Variants in ALLC observed in about 807,000 individuals in gnomAD.
ALLC encodes allantoicase.
ALLC carries 40 observed loss-of-function variants against 45.0 expected under a neutral mutation model. That is an observed-to-expected ratio of 0.89 (90% CI 0.69 to 1.16). ALLC has a LOEUF of 1.16. Ranked by LOEUF, ALLC falls within the 50% of genes most tolerant of loss-of-function variation. The probability of loss-of-function intolerance (pLI) is 0.00; values close to 1 mark genes in which losing one functional copy is unlikely to be tolerated. For missense variants in ALLC, 488 were observed against 493.1 expected (o/e 0.99, Z 0.10); for synonymous variants, 176 against 178.1 (o/e 0.99, Z 0.09).
At chr2:3,676,861 C>T (rs980629999) in intron 3 of ALLC, among the ~76,000 whole-genome samples, 1 of 151,902 alleles carries the variant, frequency 6.6e-6, no homozygotes, top group African/African-American at 2.4e-5. Flanking sequence ...GATCTCGGCT[C>T]ACCACAACCT....
intron 10 of ALLC, among the ~76,000 whole-genome samples, chr2:3,699,553 T>G (rs1014957023): frequency 1.3e-5 from 2 of 152,202 alleles, no homozygotes; most frequent in African/African-American, 2.4e-5. Flanking sequence ...GTAATTCTGT[T>G]TTTAGTTCTT....
In ALLC at chr2:3,671,131, A is replaced by T. The variant is rs368868282; in HGVS notation, c.-27A>T. ...TGATGCTCCGAAGGAGGGAAGACTGACCCGGTTTCTGGACTTCACCCAGCT... is the reference window on the plus strand; with the variant it reads ...TGATGCTCCGAAGGAGGGAAGACTGTCCCGGTTTCTGGACTTCACCCAGCT... On this transcript the variant is annotated 5_prime_UTR_variant, in exon 2 of 12. An upstream open reading frame in the 5' UTR loses its in-frame stop. Coordinates refer to ENST00000252505, the MANE Select transcript of ALLC (RefSeq NM_018436.4). The T allele has an allele frequency of 4.4e-6, 7 of 1,608,494 alleles. No homozygotes were observed. In the African/African-American group the frequency reaches 8.0e-5, roughly 18 times the overall value.
rs755960969 is a variant in ALLC at position 3,702,381 on chromosome 2, C to T, written c.994C>T (p.His332Tyr). Residue 332 changes from histidine to tyrosine, a missense_variant, in exon 12 of 12, where the codon CAT becomes TAT. His to Tyr is a moderately conservative substitution (Grantham distance 83, BLOSUM62 2). Coordinates refer to ENST00000252505, the MANE Select transcript of ALLC (RefSeq NM_018436.4). The part of the protein sequence containing the change: ...PVTKLSPNQS[H>Y]LFDSLTLELQ... ...TTTTCAGTTGTCTCCCAACCAAAGT[C>T]ATCTGTTCGATAGCCTGACCCTAGA... 5 of 1,613,156 alleles carry T rather than the reference C, an allele frequency of 3.1e-6. No homozygotes were observed. Among genetic ancestry groups the T allele is most frequent in the South Asian group, 1.1e-5 (1 of 90,924 alleles).
chr2:3,679,287 T>C (rs1667109397), intron 4 of ALLC, among the ~76,000 whole-genome samples: 1 of 152,190 alleles, frequency 6.6e-6, no homozygotes, highest in South Asian at 2.1e-4. Context: ...AAGAACTCAA[T>C]AGTGGCAGAC....
intron 3 of ALLC, among the ~76,000 whole-genome samples, chr2:3,676,712 C>T (rs766793729): frequency 1.3e-5 from 2 of 152,166 alleles, no homozygotes; most frequent in East Asian, 1.9e-4. Context: ...ACATTTTGCA[C>T]GTATTGAAAA....
upstream of ALLC, among the ~76,000 whole-genome samples, chr2:3,654,407 C>G (rs1666397777): frequency 6.6e-6 from 1 of 152,252 alleles, no homozygotes; most frequent in Non-Finnish European, 1.5e-5. Context: ...TAAGGCCCTG[C>G]TGGTTGCACT....
chr2:3,658,495 C>A (rs1666494122), intron 1 of ALLC, among the ~76,000 whole-genome samples: 1 of 152,120 alleles, frequency 6.6e-6, no homozygotes, highest in Admixed American at 6.6e-5. Context: ...TGGAGGGGCC[C>A]CACAGGTGGG....
chr2:3,657,825 G>C (rs1666476034), upstream of ALLC, among the ~76,000 whole-genome samples: 1 of 152,244 alleles, frequency 6.6e-6, no homozygotes, highest in South Asian at 2.1e-4. Flanking sequence ...ACCCTCCCAA[G>C]GGCCCCTGTC....
chr2:3,647,103 G>A, the ALLC span, among the ~76,000 whole-genome samples: 7 of 152,128 alleles, frequency 4.6e-5, no homozygotes, highest in South Asian at 2.1e-4. Context: ...TCTCTGGTTC[G>A]CTGAGGTGGC....
upstream of ALLC, among the ~76,000 whole-genome samples, chr2:3,657,797 C>T (rs1558531678): frequency 6.6e-6 from 1 of 152,018 alleles, no homozygotes; most frequent in South Asian, 2.1e-4. Context: ...TTTTCTGGGG[C>T]TGAGGGGCTC....
intron 10 of ALLC, among the ~76,000 whole-genome samples, chr2:3,699,793 GTCT>G (rs1558550398): frequency 6.6e-6 from 1 of 152,120 alleles, no homozygotes; most frequent in African/African-American, 2.4e-5. Context: ...CTGCATGTAT[GTCT>G]TCTTTTGAAA....
chr2:3,685,463 C>G (rs1320511952), intron 7 of ALLC, among the ~76,000 whole-genome samples: 4 of 149,804 alleles, frequency 2.7e-5, no homozygotes, highest in Non-Finnish European at 4.5e-5. Context: ...GAGAGAGAGA[C>G]AGAGACAGAC....
chr2:3,685,044 A>T (rs552036741), intron 7 of ALLC, among the ~76,000 whole-genome samples: 116 of 152,264 alleles, frequency 7.6e-4, no homozygotes, highest in African/African-American at 2.7e-3. Context: ...ATATCTCTTC[A>T]ATATATTGAT....
At chr2:3,671,986 TTTAGATCCGAGGTCCTCTGGCTCTAG>T (rs1558537314) in intron 2 of ALLC, among the ~76,000 whole-genome samples, 2,354 of 85,832 alleles carry the variant, frequency 0.027, 159 homozygotes, top group East Asian at 0.041. Flanking sequence ...TCTGGCTCTA[TTTAGATCCGAGGTCCTCTGGCTCTAG>T]TTAGATCCGA....
chr2:3,662,619 G>A (rs1245902084), intron 1 of ALLC, among the ~76,000 whole-genome samples: 6 of 152,170 alleles, frequency 3.9e-5, no homozygotes, highest in African/African-American at 1.2e-4. Flanking sequence ...TTTTACAAAT[G>A]TATTGGGTAT....
chr2:3,699,659 C>T (rs980810181), intron 10 of ALLC, among the ~76,000 whole-genome samples: 1 of 152,184 alleles, frequency 6.6e-6, no homozygotes, highest in Non-Finnish European at 1.5e-5. Context: ...ACCTTGTCAA[C>T]AACTGTTATT....
chr2:3,699,880 T>C (rs1366152779), intron 10 of ALLC, among the ~76,000 whole-genome samples: 1 of 152,348 alleles, frequency 6.6e-6, no homozygotes, highest in East Asian at 1.9e-4. Flanking sequence ...AAATTCCTTA[T>C]AGATTCTGGA....
In ALLC at chr2:3,680,039, A is replaced by C; in HGVS notation, c.298+45A>C. 1 of 1,609,628 alleles carries C rather than the reference A, an allele frequency of 6.2e-7. No individual in the cohort carries two copies. Among genetic ancestry groups the C allele is most frequent in the South Asian group, 1.1e-5 (1 of 90,926 alleles). On this transcript the variant is annotated intron_variant, in intron 5 of 11. Coordinates refer to ENST00000252505, the MANE Select transcript of ALLC (RefSeq NM_018436.4). The surrounding 1 kb of genome is among the most constrained non-coding windows in gnomAD (Gnocchi z 4.0). The stretch of plus-strand genomic sequence containing the variant: ...CCCCAAAATGAGAATTATGGGTCAC[A>C]TGGCTCCTCTGGCCAGCCACAGCCC...
intron 7 of ALLC, among the ~76,000 whole-genome samples, chr2:3,693,290 C>T (rs1434397763): frequency 6.6e-6 from 1 of 152,162 alleles, no homozygotes; most frequent in Non-Finnish European, 1.5e-5. Flanking sequence ...TTCTCTGGAA[C>T]CTTATTTTAG....
Sources: gnomAD v4.1 joint callset for allele counts (sites outside exome capture counted in the v4.1 genomes callset) on GRCh38, gnomAD v4.1.1 for gene constraint, Gnocchi (gnomAD v3.1) non-coding constraint, MANE v1.5 for transcripts, NCBI Gene and HGNC (gene_info 2026-07-23, HGNC 2026-07-21) for gene names.